The following UNC5D variants were observed in gnomAD, a reference collection of about 807,000 sequenced individuals.
UNC5D encodes netrin receptor UNC5D.
A neutral mutation model predicts 105.4 loss-of-function variants in UNC5D; 39 were observed. That is an observed-to-expected ratio of 0.37 (90% CI 0.29 to 0.48). The LOEUF is 0.48. UNC5D is among the 20% of genes least tolerant of loss of function. The pLI, the probability that UNC5D is intolerant of heterozygous loss-of-function variation, is 0.98. For missense variants in UNC5D, 991 were observed against 1,202.4 expected (o/e 0.82, Z 2.60); for synonymous variants, 452 against 450.4 (o/e 1.00, Z -0.04).
chr8:35,650,634 AT>A, intron 4 of UNC5D, among the ~76,000 whole-genome samples: 1 of 151,026 alleles, frequency 6.6e-6, no homozygotes, highest in South Asian at 2.1e-4. Flanking sequence ...TGCCCAGCTA[AT>A]TTTTTTTTGT....
At chr8:35,692,066 A>G (rs1169810433) in intron 7 of UNC5D, among the ~76,000 whole-genome samples, 2 of 152,216 alleles carry the variant, frequency 1.3e-5, no homozygotes, top group East Asian at 1.9e-4. Flanking sequence ...TTGTCAAGGT[A>G]TAACATAGGT....
intron 4 of UNC5D, among the ~76,000 whole-genome samples, chr8:35,632,821 G>T (rs536737101): frequency 1.3e-5 from 2 of 152,178 alleles, no homozygotes; most frequent in African/African-American, 4.8e-5. Context: ...AGGGTGTGTG[G>T]TCTAACCTGT....
intron 1 of UNC5D, among the ~76,000 whole-genome samples, chr8:35,459,925 C>G (rs1310291899): frequency 6.6e-6 from 1 of 152,116 alleles, no homozygotes; most frequent in African/African-American, 2.4e-5. Context: ...CCTGCTGTGG[C>G]CTTTAGACAA....
chr8:35,467,396 A>T (rs535589034), intron 1 of UNC5D, among the ~76,000 whole-genome samples: 1 of 152,194 alleles, frequency 6.6e-6, no homozygotes, highest in South Asian at 2.1e-4. Context: ...GTGGGAGTGG[A>T]TTGACAGCTT....
At chr8:35,274,820 A>G (rs1805659889) in intron 1 of UNC5D, among the ~76,000 whole-genome samples, 2 of 152,220 alleles carry the variant, frequency 1.3e-5, no homozygotes, top group African/African-American at 4.8e-5. Flanking sequence ...TAAAAATTTT[A>G]TCAATTCTAA....
intron 1 of UNC5D, among the ~76,000 whole-genome samples, chr8:35,534,245 G>A (rs1040541010): frequency 2.6e-5 from 4 of 152,104 alleles, no homozygotes; most frequent in Admixed American, 6.5e-5. Context: ...TGAGCAACTC[G>A]TAATGCTGTT....
chr8:35,338,325 C>T (rs914325331), intron 1 of UNC5D, among the ~76,000 whole-genome samples: 70 of 151,932 alleles, frequency 4.6e-4, no homozygotes, highest in African/African-American at 1.6e-3. Context: ...TAATAACAAT[C>T]GAGAAATGTG....
chr8:35,530,068 A>G (rs941015737), intron 1 of UNC5D, among the ~76,000 whole-genome samples: 1 of 151,264 alleles, frequency 6.6e-6, no homozygotes, highest in African/African-American at 2.4e-5. Context: ...CCTGGCCAGA[A>G]CTTCCAACAC....
intron 1 of UNC5D, among the ~76,000 whole-genome samples, chr8:35,490,341 A>G (rs1035487216): frequency 1.1e-4 from 16 of 152,144 alleles, no homozygotes; most frequent in Admixed American, 8.5e-4. Flanking sequence ...CATCTCTACA[A>G]CTTTTTTTAA....
chr8:35,724,398 C>A, intron 9 of UNC5D: 1 of 1,251,498 alleles, frequency 8.0e-7, no homozygotes, highest in Non-Finnish European at 1.1e-6. Flanking sequence ...AGCAATACAT[C>A]CAGTGCCCCG....
chr8:35,766,265 GAACTGACAAACT>G (rs1308147641), intron 14 of UNC5D, among the ~76,000 whole-genome samples: 1 of 152,034 alleles, frequency 6.6e-6, no homozygotes, highest in Non-Finnish European at 1.5e-5. Flanking sequence ...AGCAAATGAA[GAACTGACAAACT>G]AGATCACTCT....
At chr8:35,363,144 C>T (rs910786666) in intron 1 of UNC5D, among the ~76,000 whole-genome samples, 4 of 152,000 alleles carry the variant, frequency 2.6e-5, no homozygotes, top group Non-Finnish European at 5.9e-5. Flanking sequence ...TAGTCCATTT[C>T]CACGCTGCTG....
chr8:35,645,175 C>G (rs1217593691), intron 4 of UNC5D, among the ~76,000 whole-genome samples: 1 of 152,112 alleles, frequency 6.6e-6, no homozygotes, highest in African/African-American at 2.4e-5. Context: ...ATTTAGCTGT[C>G]TTCATATGTG....
intron 1 of UNC5D, chr8:35,525,336 G>T (rs528657701): frequency 6.2e-7 from 1 of 1,612,038 alleles, no homozygotes; most frequent in Non-Finnish European, 8.5e-7. Context: ...ATATGGGGGT[G>T]TAATAACAAC....
At chr8:35,651,638 A>G (rs180829294) in intron 4 of UNC5D, among the ~76,000 whole-genome samples, 185 of 152,306 alleles carry the variant, frequency 1.2e-3, no homozygotes, top group African/African-American at 4.3e-3. Context: ...CCCCCACTAG[A>G]GAGAACCTCC....
chr8:35,399,865 A>G (rs1183968951), intron 1 of UNC5D, among the ~76,000 whole-genome samples: 1 of 152,170 alleles, frequency 6.6e-6, no homozygotes, highest in African/African-American at 2.4e-5. Flanking sequence ...CCAAGTAATA[A>G]TAGGCATTTG....
intron 1 of UNC5D, among the ~76,000 whole-genome samples, chr8:35,369,673 A>C (rs1802318717): frequency 6.6e-6 from 1 of 152,082 alleles, no homozygotes; most frequent in African/African-American, 2.4e-5. Context: ...CTTTGTGTAC[A>C]ACCTCTCTGG....
At chr8:35,721,708 A>G (rs1054167161) in intron 8 of UNC5D, among the ~76,000 whole-genome samples, 1 of 152,018 alleles carries the variant, frequency 6.6e-6, no homozygotes, top group Non-Finnish European at 1.5e-5. Context: ...ATATTTGTGA[A>G]CTCTGGTCTT....
At chr8:35,336,935 T>G (rs1348445165) in intron 1 of UNC5D, among the ~76,000 whole-genome samples, 5 of 152,192 alleles carry the variant, frequency 3.3e-5, no homozygotes, top group Non-Finnish European at 7.3e-5. Context: ...GATGAACAGA[T>G]GCCAGCGAGC....
Sources: gnomAD v4.1 joint callset for allele counts (sites outside exome capture counted in the v4.1 genomes callset) on GRCh38, gnomAD v4.1.1 for gene constraint, MANE v1.5 for transcripts, NCBI Gene and HGNC (gene_info 2026-07-23, HGNC 2026-07-21) for gene names.